Variants in TNIP3 observed in about 807,000 individuals in gnomAD.
TNIP3 encodes the protein TNFAIP3-interacting protein 3.
A neutral mutation model predicts 54.1 loss-of-function variants in TNIP3; 34 were observed. The observed-to-expected ratio is 0.63, with a 90% CI of 0.48 to 0.84. TNIP3 has a LOEUF of 0.84. TNIP3 is among the 40% of genes least tolerant of loss of function. The pLI, the probability that TNIP3 is intolerant of heterozygous loss-of-function variation, is 0.00. For missense variants in TNIP3, 366 were observed against 387.6 expected, an observed-to-expected ratio of 0.94 and a Z score of 0.47; for synonymous variants, 134 against 136.8, an observed-to-expected ratio of 0.98 and a Z score of 0.14.
intron 2 of TNIP3, among the ~76,000 whole-genome samples, chr4:121,193,937 A>G (rs1725433056): frequency 6.6e-6 from 1 of 152,190 alleles, no homozygotes; most frequent in African/African-American, 2.4e-5. Flanking sequence ...CCAGAGTGTC[A>G]GGTCATGAAA....
intron 6 of TNIP3, 90 bp from the exon 7 acceptor site, chr4:121,147,264 AT>A (rs2148802615): frequency 6.8e-7 from 1 of 1,473,342 alleles, no homozygotes; most frequent in East Asian, 2.3e-5. Flanking sequence ...TGCCTACTCC[AT>A]TATTGTAAAG....
chr4:121,146,941 T>TA (rs563975403), intron 7 of TNIP3, 108 bp downstream of exon 7: 365 of 1,262,404 alleles, frequency 2.9e-4, no homozygotes, highest in South Asian at 3.6e-4. Flanking sequence ...TGCTGACCTT[T>TA]AAAAAAAAAT....
At chr4:121,132,779 T>C (rs1321132616) in intron 10 of TNIP3, 117 bp from the exon 11 acceptor site, 3 of 819,918 alleles carry the variant, frequency 3.7e-6, no homozygotes, top group Non-Finnish European at 5.9e-6. Context: ...AGTTATGTTA[T>C]ATTCATAAGC....
chr4:121,150,700 C>T (rs1729695930), intron 5 of TNIP3, among the ~76,000 whole-genome samples: 1 of 152,160 alleles, frequency 6.6e-6, no homozygotes, highest in African/African-American at 2.4e-5. Flanking sequence ...TGCTGCTGGT[C>T]CCAGGTGATG....
At chr4:121,187,756 G>A (rs1244522046) in intron 2 of TNIP3, among the ~76,000 whole-genome samples, 2 of 152,076 alleles carry the variant, frequency 1.3e-5, no homozygotes, top group Non-Finnish European at 2.9e-5. Context: ...TCCATGGATG[G>A]GATTCAATCA....
chr4:121,186,996 C>T (rs535481016), intron 2 of TNIP3, among the ~76,000 whole-genome samples: 6 of 152,168 alleles, frequency 3.9e-5, no homozygotes, highest in East Asian at 1.9e-4. Context: ...TCATAAATTT[C>T]GATTTGACCT....
chr4:121,166,479 G>A (rs573562293), upstream of TNIP3, among the ~76,000 whole-genome samples: 1 of 152,192 alleles, frequency 6.6e-6, no homozygotes, highest in Non-Finnish European at 1.5e-5. Context: ...TTCATGAGAA[G>A]TATCACTAGC....
chr4:121,222,815 T>TGTTTG (rs1560702598), intron 1 of TNIP3, among the ~76,000 whole-genome samples: 7 of 144,990 alleles, frequency 4.8e-5, no homozygotes, highest in African/African-American at 1.8e-4. Flanking sequence ...TTTTTTTTTT[T>TGTTTG]TTTTTTTTGA....
chr4:121,216,688 A>T, upstream of TNIP3: 1 of 1,347,346 alleles, frequency 7.4e-7, no homozygotes, highest in Non-Finnish European at 9.7e-7. Context: ...CCTTCTGCCT[A>T]GTTTCAATGA....
chr4:121,220,559 A>G (rs1726986590), upstream of TNIP3, among the ~76,000 whole-genome samples: 1 of 152,222 alleles, frequency 6.6e-6, no homozygotes, highest in Admixed American at 6.5e-5. Flanking sequence ...AGATGTTTCC[A>G]AGATGCTAAA....
intron 2 of TNIP3, among the ~76,000 whole-genome samples, 164 bp from the exon 3 acceptor site, chr4:121,158,916 C>T (rs1333879008): frequency 2.0e-5 from 3 of 152,136 alleles, no homozygotes; most frequent in African/African-American, 7.2e-5. Flanking sequence ...TTAAATTGAA[C>T]ACACTCTCAC....
chr4:121,173,182 A>G (rs925493903), intron 3 of TNIP3, among the ~76,000 whole-genome samples: 7 of 152,192 alleles, frequency 4.6e-5, no homozygotes, highest in Non-Finnish European at 1.0e-4. Context: ...AGCAGGAGAC[A>G]TCATTTACCA....
chr4:121,137,248 A>G (rs1728841277), intron 10 of TNIP3, among the ~76,000 whole-genome samples: 1 of 152,232 alleles, frequency 6.6e-6, no homozygotes, highest in Non-Finnish European at 1.5e-5. Flanking sequence ...GCAATATAAA[A>G]TGGAAAATTA....
chr4:121,206,814 C>T (rs1372276349), intron 2 of TNIP3, among the ~76,000 whole-genome samples: 1 of 152,158 alleles, frequency 6.6e-6, no homozygotes. Context: ...AAGGGATCCA[C>T]TTGCCTCAGC....
upstream of TNIP3, chr4:121,216,660 A>C (rs1234171850): frequency 7.0e-7 from 1 of 1,423,142 alleles, no homozygotes; most frequent in Non-Finnish European, 9.2e-7. Flanking sequence ...AGACCTGAGA[A>C]GACAGACCAC....
chr4:121,182,538 C>T, intron 3 of TNIP3: 1 of 1,017,564 alleles, frequency 9.8e-7, no homozygotes, highest in South Asian at 1.8e-5. Flanking sequence ...TTTTATACTG[C>T]TTCAGTTTAT....
chr4:121,184,337 C>G (rs563106900), intron 2 of TNIP3, among the ~76,000 whole-genome samples: 33 of 152,282 alleles, frequency 2.2e-4, no homozygotes, highest in South Asian at 1.7e-3. Flanking sequence ...AATCCACCAC[C>G]CTTGTTGAGA....
intron 3 of TNIP3, among the ~76,000 whole-genome samples, chr4:121,177,456 T>C (rs1724428024): frequency 6.6e-6 from 1 of 152,212 alleles, no homozygotes; most frequent in East Asian, 1.9e-4. Flanking sequence ...ATTTCTCTTA[T>C]AGTAATTCTT....
At chr4:121,149,939 A>G (rs964660364) in intron 6 of TNIP3, among the ~76,000 whole-genome samples, 164 bp downstream of exon 6, 7 of 152,184 alleles carry the variant, frequency 4.6e-5, no homozygotes, top group African/African-American at 1.2e-4. Context: ...GAACTAGCTG[A>G]TCTGTATTCT....
Sources: allele counts gnomAD v4.1 joint callset (sites outside exome capture counted in the v4.1 genomes callset), GRCh38; gene constraint gnomAD v4.1.1; transcripts MANE v1.5; gene names NCBI Gene and HGNC (gene_info 2026-07-23, HGNC 2026-07-21).